Variants in WWOX observed in about 807,000 individuals in gnomAD.
WWOX encodes WW domain-containing oxidoreductase.
In WWOX, 69 loss-of-function variants were observed where a neutral mutation model predicts 46.2. The observed-to-expected ratio is 1.49, with a 90% confidence interval of 1.23 to 1.82. WWOX has a LOEUF of 1.82. WWOX is among the 40% of genes most tolerant of loss of function. WWOX has a pLI of 0.00. For missense variants in WWOX, 919 were observed against 542.6 expected, an observed-to-expected ratio of 1.69 and a Z score of -6.89; for synonymous variants, 359 against 202.6, an observed-to-expected ratio of 1.77 and a Z score of -6.56.
intron 8 of WWOX, among the ~76,000 whole-genome samples, chr16:78,699,374 C>CAAAA (rs57002311): frequency 3.9e-4 from 49 of 127,228 alleles, no homozygotes; most frequent in African/African-American, 1.3e-3. Context: ...ACAAAAAATA[C>CAAAA]AAAAAAAAAA....
intron 8 of WWOX, among the ~76,000 whole-genome samples, chr16:78,853,744 T>A (rs1305657304): frequency 2.6e-5 from 4 of 152,076 alleles, no homozygotes; most frequent in Admixed American, 6.5e-5. Context: ...AAACCCAGCT[T>A]GTAAGCATGT....
intron 5 of WWOX, among the ~76,000 whole-genome samples, chr16:78,355,007 C>G (rs1011043153): frequency 1.3e-5 from 2 of 152,082 alleles, no homozygotes; most frequent in Non-Finnish European, 2.9e-5. Flanking sequence ...TGGTGCATGT[C>G]TGTAGTCACA....
chr16:78,427,311 T>G (rs368820391), intron 7 of WWOX, among the ~76,000 whole-genome samples: 65 of 152,342 alleles, frequency 4.3e-4, no homozygotes, highest in African/African-American at 1.4e-3. Context: ...TCACTGTGTT[T>G]TAGTTACTTA....
intron 8 of WWOX, among the ~76,000 whole-genome samples, chr16:79,080,766 A>C (rs1314018436): frequency 6.6e-6 from 1 of 152,176 alleles, no homozygotes; most frequent in Non-Finnish European, 1.5e-5. Context: ...CAGGAGTTTG[A>C]GACCAGCCCG....
At chr16:78,540,764 G>A (rs2043872355) in intron 8 of WWOX, among the ~76,000 whole-genome samples, 1 of 152,076 alleles carries the variant, frequency 6.6e-6, no homozygotes, top group Admixed American at 6.5e-5. Flanking sequence ...ATAACTCATG[G>A]TGACCTCAAA....
chr16:78,117,700 G>T (rs1362389807), intron 4 of WWOX, among the ~76,000 whole-genome samples: 1 of 152,092 alleles, frequency 6.6e-6, no homozygotes, highest in Non-Finnish European at 1.5e-5. Context: ...CTTTAGTTCC[G>T]CTCATTTAAA....
chr16:78,369,597 T>C (rs577925070), intron 5 of WWOX, among the ~76,000 whole-genome samples: 4 of 152,124 alleles, frequency 2.6e-5, no homozygotes, highest in African/African-American at 9.6e-5. Flanking sequence ...TTCTCATTAA[T>C]GTCTGGGCAA....
Position 78,432,717 on chromosome 16 carries a change from C to T in WWOX, c.1021C>T (p.Leu341=), listed in dbSNP as rs201616456. 9 of 1,614,052 alleles carry T rather than the reference C, an allele frequency of 5.6e-6. No homozygotes were observed. The highest frequency in any genetic ancestry group is 2.7e-5 in the African/African-American group (2 of 74,900). The part of the protein sequence containing the change: ...IHRSWWVYTL[L]FTLARPFTKS... ...TCGCAGCTGGTGGGTGTACACACTG[C>T]TGTTTACCTTGGCGAGGCCTTTCAC... The change falls in exon 8 of 9, where the codon CTG becomes TTG. Residue 341 remains leucine, a synonymous_variant. Transcript: ENST00000566780.
intron 5 of WWOX, among the ~76,000 whole-genome samples, chr16:78,215,532 G>C (rs1302897039): frequency 6.6e-6 from 1 of 152,150 alleles, no homozygotes; most frequent in Non-Finnish European, 1.5e-5. Flanking sequence ...ATGATTGTAA[G>C]TTTCCTGAGG....
At chr16:78,312,013 A>G (rs1054527649) in intron 5 of WWOX, among the ~76,000 whole-genome samples, 2 of 152,100 alleles carry the variant, frequency 1.3e-5, no homozygotes, top group Admixed American at 6.5e-5. Context: ...ATGTTCCTCG[A>G]TCCATGGCTC....
At chr16:78,778,044 GAA>G (rs11309867) in intron 8 of WWOX, among the ~76,000 whole-genome samples, 1,147 of 99,736 alleles carry the variant, frequency 0.012, 14 homozygotes, top group African/African-American at 0.035. Flanking sequence ...GACTCCATCT[GAA>G]AAAAAAAAAA....
chr16:78,422,794 C>CACAT (rs1555536381), intron 6 of WWOX, among the ~76,000 whole-genome samples: 1 of 101,606 alleles, frequency 9.8e-6, no homozygotes, highest in African/African-American at 8.2e-5. Flanking sequence ...TACACACACA[C>CACAT]ATATATATAC....
chr16:78,996,055 C>T (rs188998105), intron 8 of WWOX: 1 of 280,068 alleles, frequency 3.6e-6, no homozygotes, highest in Non-Finnish European at 5.4e-6. Flanking sequence ...ACTGGTGATT[C>T]CAAATCCAGA....
At chr16:78,577,087 A>G (rs1428604890) in intron 8 of WWOX, among the ~76,000 whole-genome samples, 1 of 152,144 alleles carries the variant, frequency 6.6e-6, no homozygotes, top group Non-Finnish European at 1.5e-5. Flanking sequence ...TTGAGTCATG[A>G]ATTGGGGAAC....
intron 8 of WWOX, among the ~76,000 whole-genome samples, chr16:78,865,105 C>T (rs1344436376): frequency 6.6e-6 from 1 of 152,068 alleles, no homozygotes; most frequent in Non-Finnish European, 1.5e-5. Context: ...ATATGTTAAA[C>T]ACCCTTATTA....
chr16:79,175,895 C>G (rs766876026), intron 8 of WWOX, among the ~76,000 whole-genome samples: 3 of 152,186 alleles, frequency 2.0e-5, no homozygotes, highest in Non-Finnish European at 1.5e-5. Context: ...TCCTTTCACA[C>G]CTCTGAGCTT....
chr16:78,550,456 T>G (rs902576497), intron 8 of WWOX, among the ~76,000 whole-genome samples: 1 of 152,192 alleles, frequency 6.6e-6, no homozygotes, highest in South Asian at 2.1e-4. Context: ...GTAGACTGGA[T>G]TTAGCTTGTG....
chr16:78,943,949 T>C (rs2045900922), intron 8 of WWOX, among the ~76,000 whole-genome samples: 2 of 152,200 alleles, frequency 1.3e-5, no homozygotes, highest in African/African-American at 4.8e-5. Context: ...CCTGGTTTTC[T>C]GTTGTCAGAA....
rs538988093 is a variant in WWOX at position 78,528,911 on chromosome 16, A to G, written c.1056+96159A>G. Among the ~76,000 whole-genome samples the G allele has an allele frequency of 6.6e-5, 10 of 150,830 alleles. No individual in the cohort carries two copies. The South Asian group carries it at 2.1e-3, about 32-fold the overall frequency. ...TGGAGAGTCAGTTGTTTAGAAAAAA[A>G]CTTTCTTTTTTTTTTCTTTCCTTTT... On this transcript the variant is annotated intron_variant, in intron 8 of 8. Coordinates refer to ENST00000566780, the MANE Select transcript of WWOX (RefSeq NM_016373.4).
Sources: gnomAD v4.1 joint callset for allele counts (sites outside exome capture counted in the v4.1 genomes callset) on GRCh38, gnomAD v4.1.1 for gene constraint, MANE v1.5 for transcripts, NCBI Gene and HGNC (gene_info 2026-07-23, HGNC 2026-07-21) for gene names.